Variants in CACNA2D1 observed in about 807,000 individuals in gnomAD.
CACNA2D1 encodes the protein calcium voltage-gated channel auxiliary subunit alpha2delta 1.
CACNA2D1 carries 53 observed loss-of-function variants against 171.5 expected under a neutral mutation model. That is an observed-to-expected ratio of 0.31 (90% CI 0.25 to 0.39). CACNA2D1 has a LOEUF of 0.39. CACNA2D1 is among the 10% of genes least tolerant of loss of function. The probability of loss-of-function intolerance (pLI) is 1.00; values close to 1 mark genes in which losing one functional copy is unlikely to be tolerated. For missense variants in CACNA2D1, 903 were observed against 1,299.8 expected (o/e 0.69, Z 4.69); for synonymous variants, 442 against 443.1 (o/e 1.00, Z 0.03).
intron 2 of CACNA2D1, 105 bp downstream of exon 2, chr7:82,349,463 G>A: frequency 1.1e-6 from 1 of 937,794 alleles, no homozygotes; most frequent in Non-Finnish European, 1.8e-6. Flanking sequence ...ATCCACATGA[G>A]AAATCATATC....
intron 7 of CACNA2D1, among the ~76,000 whole-genome samples, chr7:82,081,619 G>A (rs773943122): frequency 6.6e-6 from 1 of 152,188 alleles, no homozygotes; most frequent in East Asian, 1.9e-4. Flanking sequence ...TAGGTATTGT[G>A]AGTGGGCACA....
chr7:81,995,562 G>A (rs1797956082), intron 19 of CACNA2D1, among the ~76,000 whole-genome samples: 1 of 152,086 alleles, frequency 6.6e-6, no homozygotes, highest in Non-Finnish European at 1.5e-5. Flanking sequence ...ACTTTGGGAG[G>A]CCGAGGCGGA....
intron 24 of CACNA2D1, among the ~76,000 whole-genome samples, chr7:81,978,766 T>TATATATAC (rs1796126731): frequency 1.4e-5 from 2 of 141,452 alleles, no homozygotes; most frequent in Non-Finnish European, 3.1e-5. Flanking sequence ...TATATATATA[T>TATATATAC]ATATACACAC....
intron 3 of CACNA2D1, among the ~76,000 whole-genome samples, chr7:82,175,322 A>C (rs1796450135): frequency 6.6e-6 from 1 of 152,072 alleles, no homozygotes; most frequent in African/African-American, 2.4e-5. Flanking sequence ...AGCTAATGTA[A>C]GTCAAGATTT....
intron 27 of CACNA2D1, 25 bp from the exon 28 acceptor site, chr7:81,970,009 T>A: frequency 7.5e-7 from 1 of 1,340,070 alleles, no homozygotes. Context: ...GCTCATCATT[T>A]GTATTCTTTA....
chr7:82,215,636 CTTTA>C (rs1255806559), intron 3 of CACNA2D1, among the ~76,000 whole-genome samples: 6 of 152,080 alleles, frequency 3.9e-5, no homozygotes, highest in East Asian at 3.9e-4. Context: ...TCCTGTTACA[CTTTA>C]TTTATCATGT....
chr7:82,312,962 T>G (rs546969234), intron 3 of CACNA2D1, among the ~76,000 whole-genome samples: 1 of 152,310 alleles, frequency 6.6e-6, no homozygotes. Context: ...TTGTTTTTCT[T>G]GTTTCCATAG....
chr7:82,159,049 C>A (rs1794667383), intron 4 of CACNA2D1, among the ~76,000 whole-genome samples: 1 of 151,760 alleles, frequency 6.6e-6, no homozygotes, highest in Admixed American at 6.6e-5. Context: ...TTTCTAATAA[C>A]TTAAGACCAG....
At chr7:82,287,379 A>G (rs1810935339) in intron 3 of CACNA2D1, among the ~76,000 whole-genome samples, 1 of 151,968 alleles carries the variant, frequency 6.6e-6, no homozygotes, top group African/African-American at 2.4e-5. Flanking sequence ...TCAAGGATGG[A>G]TGTTATCCTT....
At chr7:81,999,420 T>C (rs1180291016) in intron 18 of CACNA2D1, among the ~76,000 whole-genome samples, 2 of 152,196 alleles carry the variant, frequency 1.3e-5, no homozygotes, top group Non-Finnish European at 2.9e-5. Flanking sequence ...TATTTCTCAT[T>C]TGCAAAATTT....
chr7:82,429,691 C>T (rs1829509739), intron 1 of CACNA2D1, among the ~76,000 whole-genome samples: 1 of 152,124 alleles, frequency 6.6e-6, no homozygotes, highest in Non-Finnish European at 1.5e-5. Flanking sequence ...GATGAGTTAC[C>T]ATTCCCCTAT....
intron 15 of CACNA2D1, among the ~76,000 whole-genome samples, chr7:82,010,124 T>G (rs946291361): frequency 6.6e-6 from 1 of 152,132 alleles, no homozygotes; most frequent in Non-Finnish European, 1.5e-5. Flanking sequence ...ACAACCCACT[T>G]TGCCCCCAAT....
At chr7:82,007,567 C>A in intron 16 of CACNA2D1, 112 bp downstream of exon 16, 3 of 700,590 alleles carry the variant, frequency 4.3e-6, no homozygotes, top group Non-Finnish European at 5.1e-6. Context: ...CCTCTGGCCT[C>A]ACAAGACAAT....
chr7:82,221,281 C>A (rs539472349), intron 3 of CACNA2D1, among the ~76,000 whole-genome samples: 17 of 152,238 alleles, frequency 1.1e-4, no homozygotes, highest in African/African-American at 4.1e-4. Context: ...CACACTTTTG[C>A]GAACTGTGTT....
chr7:82,320,314 T>C (rs898635338), intron 3 of CACNA2D1, among the ~76,000 whole-genome samples: 12 of 152,302 alleles, frequency 7.9e-5, no homozygotes, highest in African/African-American at 2.6e-4. Flanking sequence ...CTATTAGAAA[T>C]TCTGTTATTT....
intron 3 of CACNA2D1, among the ~76,000 whole-genome samples, chr7:82,216,891 CA>C (rs56161307): frequency 0.53 from 68,870 of 130,114 alleles, 17,085 homozygotes; most frequent in African/African-American, 0.59. Context: ...AGCCTAAATC[CA>C]AAAAAAAAAA....
At position 82,238,486 on chromosome 7, in the gene CACNA2D1, A is replaced by C. The variant is rs530377359; in HGVS notation, c.295-67877T>G. The stretch of plus-strand genomic sequence containing the variant: ...CCAACAATCATATGAAAAAAAGTCC[A>C]AAATCACTAATCATTAGGGAAATGC... On this transcript the variant is annotated intron_variant, in intron 3 of 38. Transcript: ENST00000356860. 1.6e-4 allele frequency among the ~76,000 whole-genome samples: 25 copies of C among 152,228 alleles called. No individual in the cohort carries two copies. The South Asian group carries it at 5.2e-3, about 32-fold the overall frequency.
Position 82,186,247 on chromosome 7 carries a change from G to A in CACNA2D1, c.295-15638C>T, listed in dbSNP as rs796928298. 8.8e-3 allele frequency among the ~76,000 whole-genome samples: 599 copies of A among 67,816 alleles called. 1 individual carries two copies. The highest frequency in any genetic ancestry group is 0.016 in the African/African-American group (372 of 23,354). The allele number at this position is 67,816 out of a possible 152,430, so 44.5% of individuals were successfully genotyped here. A position where few individuals can be genotyped will look rare whatever the true frequency, so the allele number is the denominator to read the frequency against. On this transcript the variant is annotated intron_variant, in intron 3 of 38. Transcript: ENST00000356860. ...AGAGAGAGAGAAGGAAGGAAGGAAG[G>A]AAGGAAGAAAGGAAGGAAGGAAGGA...
chr7:82,288,229 TTTTG>T (rs747863410), intron 3 of CACNA2D1, among the ~76,000 whole-genome samples: 1 of 152,070 alleles, frequency 6.6e-6, no homozygotes, highest in East Asian at 1.9e-4. Context: ...TTAAAACTTG[TTTTG>T]TTTTTCAGTA....
Sources: allele counts gnomAD v4.1 joint callset (sites outside exome capture counted in the v4.1 genomes callset), GRCh38; gene constraint gnomAD v4.1.1; transcripts MANE v1.5; gene names NCBI Gene and HGNC (gene_info 2026-07-23, HGNC 2026-07-21).